The following OSBPL6 variants were observed in gnomAD, a reference collection of about 807,000 sequenced individuals.
OSBPL6 encodes oxysterol-binding protein-related protein 6.
A neutral mutation model predicts 125.8 loss-of-function variants in OSBPL6; 49 were observed. The ratio of observed to expected loss-of-function variants is 0.39; its 90% confidence interval spans 0.31 to 0.49. OSBPL6 has a LOEUF of 0.49. Ranked by LOEUF, OSBPL6 falls within the 20% of genes least tolerant of loss-of-function variation. The pLI is 0.88. For synonymous variants in OSBPL6, 394 were observed against 391.8 expected (o/e 1.01, Z -0.07); for missense variants, 986 against 1,135.4 (o/e 0.87, Z 1.89).
chr2:178,283,060 C>T (rs917248583), intron 1 of OSBPL6, among the ~76,000 whole-genome samples: 3 of 152,164 alleles, frequency 2.0e-5, no homozygotes, highest in African/African-American at 7.2e-5. Context: ...AGATGCAATG[C>T]TGAGCATACA....
chr2:178,206,967 C>T (rs2089568152), intron 1 of OSBPL6, among the ~76,000 whole-genome samples: 2 of 152,072 alleles, frequency 1.3e-5, no homozygotes, highest in South Asian at 4.1e-4. Flanking sequence ...TTAGGTCTCG[C>T]TGTGTTTCCC....
intron 1 of OSBPL6, among the ~76,000 whole-genome samples, chr2:178,221,528 C>T (rs2090340938): frequency 6.6e-6 from 1 of 152,220 alleles, no homozygotes; most frequent in Non-Finnish European, 1.5e-5. Flanking sequence ...ATTATTTGAT[C>T]AGAAATCTTT....
chr2:178,273,476 A>T (rs1426901051), intron 1 of OSBPL6, among the ~76,000 whole-genome samples: 1 of 151,958 alleles, frequency 6.6e-6, no homozygotes, highest in African/African-American at 2.4e-5. Flanking sequence ...GCTACTCGGG[A>T]GGCTGAGGTG....
chr2:178,346,614 T>G (rs1690741705), intron 11 of OSBPL6, among the ~76,000 whole-genome samples: 1 of 152,124 alleles, frequency 6.6e-6, no homozygotes, highest in Admixed American at 6.5e-5. Context: ...CCAAATTGAG[T>G]GTTGAGGGTT....
At chr2:178,228,422 C>G (rs1273477033) in intron 1 of OSBPL6, among the ~76,000 whole-genome samples, 1 of 152,184 alleles carries the variant, frequency 6.6e-6, no homozygotes, top group East Asian at 1.9e-4. Context: ...GTAGTCTCAG[C>G]TACTCGGGAG....
intron 2 of OSBPL6, among the ~76,000 whole-genome samples, chr2:178,289,569 T>C (rs1243459135): frequency 6.6e-6 from 1 of 152,236 alleles, no homozygotes; most frequent in Non-Finnish European, 1.5e-5. Flanking sequence ...ATATGAATGA[T>C]ACTTCTTTGG....
At chr2:178,394,901 C>G (rs779941003) in intron 24 of OSBPL6, among the ~76,000 whole-genome samples, 2 of 152,184 alleles carry the variant, frequency 1.3e-5, no homozygotes, top group South Asian at 4.1e-4. Context: ...ATACATCACA[C>G]AGATTAATCT....
At chr2:178,382,723 T>C in intron 16 of OSBPL6, 1 of 1,446,404 alleles carries the variant, frequency 6.9e-7, no homozygotes, top group South Asian at 1.5e-5. Context: ...ACGTTTTTCC[T>C]CTTTCTCAAA....
chr2:178,194,498 T>TCGC (rs529728126), upstream of OSBPL6: 1,226 of 151,842 alleles, frequency 8.1e-3, 26 homozygotes, highest in East Asian at 0.076. Context: ...CGCAGCACGG[T>TCGC]CGCCGCCGCC....
intron 8 of OSBPL6, among the ~76,000 whole-genome samples, chr2:178,334,860 C>A (rs1406128100): frequency 2.6e-5 from 4 of 152,132 alleles, no homozygotes; most frequent in Admixed American, 6.6e-5. Flanking sequence ...GCAGCCTTGC[C>A]AAGGACTATT....
chr2:178,219,798 G>A (rs909593303), intron 1 of OSBPL6, among the ~76,000 whole-genome samples: 2 of 152,144 alleles, frequency 1.3e-5, no homozygotes, highest in African/African-American at 2.4e-5. Context: ...TGACACTGTG[G>A]CATGTCATCT....
intron 15 of OSBPL6, among the ~76,000 whole-genome samples, chr2:178,381,385 G>T (rs1172016010): frequency 6.6e-6 from 1 of 151,934 alleles, no homozygotes; most frequent in Non-Finnish European, 1.5e-5. Context: ...ACAGAGTCTC[G>T]CTCTGTCGCC....
intron 11 of OSBPL6, among the ~76,000 whole-genome samples, chr2:178,345,792 T>G (rs994848344): frequency 6.6e-6 from 1 of 152,228 alleles, no homozygotes; most frequent in African/African-American, 2.4e-5. Flanking sequence ...TAAGATGGCA[T>G]GCAGAGAAGT....
At chr2:178,283,450 G>A (rs1014358767) in intron 1 of OSBPL6, among the ~76,000 whole-genome samples, 1 of 152,096 alleles carries the variant, frequency 6.6e-6, no homozygotes, top group African/African-American at 2.4e-5. Context: ...AACCCAGGGA[G>A]TGATTTTTAA....
chr2:178,374,816 G>A (rs894653089), intron 15 of OSBPL6, among the ~76,000 whole-genome samples: 2 of 152,190 alleles, frequency 1.3e-5, no homozygotes, highest in Admixed American at 6.5e-5. Flanking sequence ...CTGACAATTA[G>A]TAGTAGTTGT....
Position 178,397,347 on chromosome 2 carries a change from AC to A in OSBPL6, c.*1789del, listed in dbSNP as rs1389011479. On this transcript the variant is annotated 3_prime_UTR_variant, in exon 25 of 25. Transcript: ENST00000190611. ...CACCAGATCTAAGCATTCTGCTTCA[AC>A]AATACCCTCTCTATTCCTCTCATTC... 5 of 152,348 alleles carry A rather than the reference AC, an allele frequency of 3.3e-5. No individual in the cohort carries two copies. Among genetic ancestry groups the A allele is most frequent in the African/African-American group, 1.2e-4 (5 of 41,576 alleles). 9.4% of individuals were successfully genotyped at this position (152,348 alleles called of 1,614,324 possible).
At chr2:178,371,987 G>A (rs1693434008) in intron 13 of OSBPL6, 139 bp from the exon 14 acceptor site, 1 of 517,472 alleles carries the variant, frequency 1.9e-6, no homozygotes, top group Non-Finnish European at 3.4e-6. Flanking sequence ...CTTGCTGGTA[G>A]GGTCTGGCTC....
intron 2 of OSBPL6, among the ~76,000 whole-genome samples, chr2:178,297,971 C>T (rs1182913524): frequency 6.6e-6 from 1 of 152,110 alleles, no homozygotes; most frequent in East Asian, 1.9e-4. Flanking sequence ...AGAACCTTTC[C>T]ATCTTTCAAA....
chr2:178,220,341 C>T (rs907162425), intron 1 of OSBPL6, among the ~76,000 whole-genome samples: 19 of 152,066 alleles, frequency 1.2e-4, no homozygotes, highest in South Asian at 8.3e-4. Flanking sequence ...CTGTCACCTA[C>T]GCTGGAGTGC....
Sources: allele counts gnomAD v4.1 joint callset (sites outside exome capture counted in the v4.1 genomes callset), GRCh38; gene constraint gnomAD v4.1.1; transcripts MANE v1.5; gene names NCBI Gene and HGNC (gene_info 2026-07-23, HGNC 2026-07-21).